The following HS3ST5 variants were observed in gnomAD, a reference collection of about 807,000 sequenced individuals.
HS3ST5 encodes the protein heparan sulfate-glucosamine 3-sulfotransferase 5.
HS3ST5 carries 10 observed loss-of-function variants against 25.4 expected under a neutral mutation model. The observed-to-expected ratio is 0.39, with a 90% CI of 0.24 to 0.67. The LOEUF (loss-of-function observed/expected upper bound fraction) is 0.67. Ranked by LOEUF, HS3ST5 falls within the 30% of genes least tolerant of loss-of-function variation. HS3ST5 has a pLI of 0.44. For missense variants in HS3ST5, 324 were observed against 420.7 expected, an observed-to-expected ratio of 0.77 and a Z score of 2.01; for synonymous variants, 170 against 162.4, an observed-to-expected ratio of 1.05 and a Z score of -0.36.
At chr6:114,308,408 AC>A (rs1429460654) in intron 1 of HS3ST5, among the ~76,000 whole-genome samples, 2 of 152,120 alleles carry the variant, frequency 1.3e-5, no homozygotes, top group African/African-American at 4.8e-5. Context: ...ACACAGTGAA[AC>A]CCCGTCTCTA....
At chr6:114,332,410 T>C (rs1776438184) in intron 1 of HS3ST5, among the ~76,000 whole-genome samples, 2 of 152,166 alleles carry the variant, frequency 1.3e-5, no homozygotes, top group African/African-American at 4.8e-5. Context: ...ACTTGTAATA[T>C]AAAGACTAAT....
At chr6:114,211,948 G>A (rs1424098494) in intron 2 of HS3ST5, among the ~76,000 whole-genome samples, 1 of 152,214 alleles carries the variant, frequency 6.6e-6, no homozygotes, top group Non-Finnish European at 1.5e-5. Context: ...TTCTGCAACA[G>A]CGTGGGAAAT....
At chr6:114,241,959 C>T (rs1486422211) in intron 1 of HS3ST5, among the ~76,000 whole-genome samples, 1 of 152,202 alleles carries the variant, frequency 6.6e-6, no homozygotes, top group African/African-American at 2.4e-5. Context: ...TTGGTTCCAT[C>T]ATAACATCAG....
chr6:114,284,862 A>T (rs1025532084), intron 1 of HS3ST5, among the ~76,000 whole-genome samples: 2 of 151,982 alleles, frequency 1.3e-5, no homozygotes, highest in African/African-American at 4.8e-5. Flanking sequence ...TAAACTTAAT[A>T]AAATTAAATC....
rs1209909777 is a variant in HS3ST5, at chr6:114,088,553, TGTCTC to T, written c.-32-25681_-32-25677del. Among the ~76,000 whole-genome samples the T allele has an allele frequency of 5.3e-5, 8 of 152,194 alleles. No homozygotes were observed. The East Asian group carries it at 1.5e-3, about 29-fold the overall frequency. On this transcript the variant is annotated intron_variant, in intron 3 of 4. Transcript: ENST00000312719. ...ATGTGTATTTATTGTATATTTATCT[TGTCTC>T]ATCTATTACGTTATAAGTACTTAGA... is the stretch of plus-strand genomic sequence containing the variant.
At chr6:114,310,470 G>A (rs756039634) in intron 1 of HS3ST5, among the ~76,000 whole-genome samples, 2 of 151,600 alleles carry the variant, frequency 1.3e-5, no homozygotes, top group African/African-American at 4.8e-5. Context: ...TATTATAAAC[G>A]GCAAAAACTT....
intron 3 of HS3ST5, among the ~76,000 whole-genome samples, chr6:114,078,519 A>G (rs1348196293): frequency 6.6e-6 from 1 of 152,176 alleles, no homozygotes; most frequent in East Asian, 1.9e-4. Flanking sequence ...TCAAAATACT[A>G]TCCATTTGTA....
At chr6:114,197,321 C>T (rs1780809839) in intron 2 of HS3ST5, among the ~76,000 whole-genome samples, 4 of 152,138 alleles carry the variant, frequency 2.6e-5, no homozygotes, top group Non-Finnish European at 4.4e-5. Flanking sequence ...ACCTTAAAAA[C>T]ATTTTAATAT....
At chr6:114,140,341 A>AT (rs886847663) in intron 3 of HS3ST5, among the ~76,000 whole-genome samples, 21 of 152,226 alleles carry the variant, frequency 1.4e-4, no homozygotes, top group East Asian at 1.9e-4. Flanking sequence ...AGTGATATAA[A>AT]TTTTTTTTAA....
intron 1 of HS3ST5, among the ~76,000 whole-genome samples, chr6:114,319,860 T>TTTG (rs1186090298): frequency 4.6e-5 from 7 of 152,078 alleles, no homozygotes; most frequent in South Asian, 2.1e-4. Flanking sequence ...ATACTATTTT[T>TTTG]TTGTTGTTGT....
In HS3ST5 at chr6:114,061,905, G is replaced by A. The variant is rs189306442; in HGVS notation, c.107+834C>T. Among the ~76,000 whole-genome samples, 10 of 152,198 alleles carry A rather than the reference G, an allele frequency of 6.6e-5. No homozygotes were observed. In the South Asian group the frequency reaches 1.5e-3, roughly 22 times the overall value. On this transcript the variant is annotated intron_variant, in intron 4 of 4. Transcript: ENST00000312719. ...GGAGGTTGCAGTGAGCCGAGATTAC[G>A]CCATTGCACTCTAGCTTGGGCAATG...
intron 1 of HS3ST5, among the ~76,000 whole-genome samples, chr6:114,287,243 C>T (rs1774378988): frequency 6.6e-6 from 1 of 151,838 alleles, no homozygotes; most frequent in Non-Finnish European, 1.5e-5. Context: ...TACTCTGTAC[C>T]AGTCACTCTC....
intron 3 of HS3ST5, among the ~76,000 whole-genome samples, chr6:114,108,835 TA>T (rs1776119335): frequency 6.6e-6 from 1 of 152,174 alleles, no homozygotes; most frequent in Admixed American, 6.5e-5. Flanking sequence ...ATGTGCCATT[TA>T]TTATATGTCA....
intron 1 of HS3ST5, among the ~76,000 whole-genome samples, chr6:114,323,709 C>A (rs1776059452): frequency 6.6e-6 from 1 of 152,088 alleles, no homozygotes; most frequent in South Asian, 2.1e-4. Context: ...CAGTACAAAT[C>A]TCATTATGCA....
At position 114,327,792 on chromosome 6, in the gene HS3ST5, T is replaced by C. The variant is rs541124238; in HGVS notation, c.-339+14403A>G. Among the ~76,000 whole-genome samples the C allele has an allele frequency of 4.6e-4, 70 of 152,300 alleles. 1 individual carries two copies. The highest frequency in any genetic ancestry group is 1.6e-3 in the African/African-American group (68 of 41,562). ...CAATAGGCTGTTTATATATCTTGAG[T>C]AATATATTTAAATAATAAAAATAGC... is the stretch of plus-strand genomic sequence containing the variant. On this transcript the variant is annotated intron_variant, in intron 1 of 4. Coordinates refer to ENST00000312719, the MANE Select transcript of HS3ST5 (RefSeq NM_153612.4).
intron 3 of HS3ST5, among the ~76,000 whole-genome samples, chr6:114,065,552 C>G (rs1773400490): frequency 6.6e-6 from 1 of 152,288 alleles, no homozygotes; most frequent in East Asian, 1.9e-4. Flanking sequence ...CTTCTGGCTT[C>G]CCCATTCCAT....
intron 1 of HS3ST5, among the ~76,000 whole-genome samples, chr6:114,276,034 C>T (rs1301399616): frequency 6.6e-6 from 1 of 151,816 alleles, no homozygotes; most frequent in Non-Finnish European, 1.5e-5. Flanking sequence ...AAACACCACC[C>T]GAAAATTATT....
chr6:114,242,654 C>G (rs1463672740), intron 1 of HS3ST5, among the ~76,000 whole-genome samples: 1 of 151,796 alleles, frequency 6.6e-6, no homozygotes, highest in Non-Finnish European at 1.5e-5. Context: ...GAGATCGAGA[C>G]CATCCTGGCT....
chr6:114,172,033 C>CAGAG, intron 2 of HS3ST5, among the ~76,000 whole-genome samples: 3 of 152,098 alleles, frequency 2.0e-5, no homozygotes, highest in Non-Finnish European at 2.9e-5. Context: ...GATTTGTTCC[C>CAGAG]ATCATTCTCT....
Sources: allele counts gnomAD v4.1 joint callset (sites outside exome capture counted in the v4.1 genomes callset), GRCh38; gene constraint gnomAD v4.1.1; transcripts MANE v1.5; gene names NCBI Gene and HGNC (gene_info 2026-07-23, HGNC 2026-07-21).